HEXD: variants seen among roughly 807,000 people sequenced by gnomAD.
HEXD encodes the protein N-acetyl-beta-galactosaminidase.
Under a neutral mutation model 54.2 loss-of-function variants are expected in HEXD, and 47 were observed. The observed-to-expected ratio is 0.87, with a 90% CI of 0.69 to 1.11. The LOEUF is 1.11. Ranked by LOEUF, HEXD falls within the 50% of genes least tolerant of loss-of-function variation. The pLI is 0.00. For synonymous variants in HEXD, 293 were observed against 287.6 expected (o/e 1.02, Z -0.19); for missense variants, 576 against 649.2 (o/e 0.89, Z 1.23).
chr17:82,422,334 G>A (rs1399371663), intron 2 of HEXD, among the ~76,000 whole-genome samples: 2 of 151,560 alleles, frequency 1.3e-5, no homozygotes, highest in Non-Finnish European at 2.9e-5. Context: ...GCATAAATCA[G>A]AAATAGAAAA....
intron 4 of HEXD, among the ~76,000 whole-genome samples, chr17:82,429,116 C>T (rs1190505775): frequency 6.6e-6 from 1 of 151,952 alleles, no homozygotes; most frequent in Non-Finnish European, 1.5e-5. Context: ...AAAAATTAGC[C>T]AGGCATGGTG....
At chr17:82,419,322 G>C (rs1474912334) in intron 1 of HEXD, among the ~76,000 whole-genome samples, 2 of 152,102 alleles carry the variant, frequency 1.3e-5, no homozygotes, top group African/African-American at 4.8e-5. Context: ...CTGAGCTCTA[G>C]AAATACAAAT....
Position 82,437,435 on chromosome 17 carries a change from G to A in HEXD, c.899+72G>A, listed in dbSNP as rs112468984. The A allele has an allele frequency of 2.8e-3, 3,794 of 1,331,688 alleles. 84 individuals carry two copies. The African/African-American group carries it at 0.047, about 16-fold the overall frequency. 82.5% of individuals were successfully genotyped at this position (1,331,688 alleles called of 1,614,324 possible). On this transcript the variant is annotated intron_variant, in intron 8 of 12. Transcript: ENST00000327949. ...TGGCCACCACGTCGGCCTGTGCAGCGTCCGCCAAGGGCCTTCCCAGGTTGG... is the reference window on the plus strand; with the variant it reads ...TGGCCACCACGTCGGCCTGTGCAGCATCCGCCAAGGGCCTTCCCAGGTTGG...
At chr17:82,430,690 A>C (rs1000166782) in intron 4 of HEXD, among the ~76,000 whole-genome samples, 2 of 152,124 alleles carry the variant, frequency 1.3e-5, no homozygotes, top group Non-Finnish European at 2.9e-5. Flanking sequence ...TGCCCAGCCC[A>C]GTATACCCTC....
chr17:82,440,862 G>A lies in HEXD; in HGVS notation c.983-135G>A, dbSNP rs1416324878. 14 of 951,924 alleles carry A rather than the reference G, an allele frequency of 1.5e-5. No homozygotes were observed. In the South Asian group the frequency reaches 1.8e-4, roughly 12 times the overall value. The allele number at this position is 951,924 out of a possible 1,614,324, so 59.0% of individuals were successfully genotyped here. A position where few individuals can be genotyped will look rare whatever the true frequency, so the allele number is the denominator to read the frequency against. On this transcript the variant is annotated intron_variant, in intron 9 of 12. Transcript: ENST00000327949. ...CCAGGTCCCCTTGGGGCCGGCACAC[G>A]CGGGGCTGGGCCTGGCCAGTGGCTC... is the stretch of plus-strand genomic sequence containing the variant.
chr17:82,436,568 CTG>C, intron 6 of HEXD, 97 bp from the exon 7 acceptor site: 1 of 924,864 alleles, frequency 1.1e-6, no homozygotes, highest in South Asian at 1.6e-5. Flanking sequence ...AAAAAGGTAT[CTG>C]TGCTCACACT....
Position 82,437,150 on chromosome 17 carries a change from GT to G in HEXD, c.704-15del, listed in dbSNP as rs1172054518. ...CCGCCTCCCCTGGAGCCACTCACCTGTTTGCTTTCTCACCCAGTCCTCCTCA... is the reference window on the plus strand; with the variant it reads ...CCGCCTCCCCTGGAGCCACTCACCTGTTGCTTTCTCACCCAGTCCTCCTCA... On this transcript the variant is annotated splice_polypyrimidine_tract_variant and intron_variant, in intron 7 of 12. Transcript: ENST00000327949. 6.4e-7 allele frequency: 1 copy of G among 1,563,456 alleles called. No homozygotes were observed. Among genetic ancestry groups the G allele is most frequent in the African/African-American group, 1.3e-5 (1 of 74,128 alleles).
intron 11 of HEXD, 84 bp downstream of exon 11, chr17:82,441,350 G>A: frequency 7.1e-7 from 1 of 1,406,806 alleles, no homozygotes; most frequent in Non-Finnish European, 9.5e-7. Flanking sequence ...GTGGGTGGGA[G>A]GCAGGTGCGG....
At chr17:82,440,503 C>A in intron 9 of HEXD, 1 of 367,590 alleles carries the variant, frequency 2.7e-6, no homozygotes, top group Non-Finnish European at 4.8e-6. Flanking sequence ...ATCCGCCACC[C>A]GTGACTGGGG....
intron 9 of HEXD, chr17:82,440,163 G>A (rs1052240439): frequency 2.3e-6 from 3 of 1,291,388 alleles, no homozygotes; most frequent in African/African-American, 3.0e-5. Context: ...CAGGCACCGG[G>A]GAACCCCTTG....
intron 4 of HEXD, among the ~76,000 whole-genome samples, chr17:82,429,069 G>A (rs2053502678): frequency 6.6e-6 from 1 of 152,094 alleles, no homozygotes; most frequent in Admixed American, 6.6e-5. Context: ...AGACCAGCCT[G>A]ACCAACATGG....
rs118147434 is a variant in HEXD, at chr17:82,424,150, G to A, written c.85-244G>A. Among the ~76,000 whole-genome samples, 681 of 152,286 alleles carry A rather than the reference G, an allele frequency of 4.5e-3. 4 individuals carry two copies. Among genetic ancestry groups the A allele is most frequent in the Non-Finnish European group, 7.6e-3 (515 of 68,030 alleles). On this transcript the variant is annotated intron_variant, in intron 2 of 12. Coordinates refer to ENST00000327949, the MANE Select transcript of HEXD (RefSeq NM_001330542.2). ...GTCCCTCCCAAGCTGAGCCACCAGC[G>A]CGTTGAGTAGCAGCCCTGTTTCATA...
intron 1 of HEXD, among the ~76,000 whole-genome samples, chr17:82,419,521 T>C (rs1294628510): frequency 1.3e-5 from 2 of 152,224 alleles, no homozygotes; most frequent in Non-Finnish European, 2.9e-5. Flanking sequence ...AACCATCTTA[T>C]AAACAAACTA....
intron 1 of HEXD, among the ~76,000 whole-genome samples, chr17:82,419,231 T>A (rs931795386): frequency 1.3e-5 from 2 of 152,238 alleles, no homozygotes; most frequent in African/African-American, 4.8e-5. Flanking sequence ...TTCAAAATTA[T>A]CAGCTTACCT....
At chr17:82,440,052 G>A (rs963807203) in intron 9 of HEXD, 8 of 1,311,014 alleles carry the variant, frequency 6.1e-6, no homozygotes, top group African/African-American at 6.0e-5. Flanking sequence ...GGCCGAGCAG[G>A]TGTGGGGCTC....
chr17:82,428,529 C>A, intron 3 of HEXD, 29 bp from the exon 4 acceptor site: 1 of 1,595,558 alleles, frequency 6.3e-7, no homozygotes, highest in Non-Finnish European at 8.6e-7. Flanking sequence ...GCTCACATGA[C>A]CCTCTCTCTA....
At position 82,435,839 on chromosome 17, in the gene HEXD, A is replaced by G. The variant is rs879387338; in HGVS notation, c.598A>G (p.Met200Val). The part of the protein sequence containing the change: ...PSVTPLVWDD[M>V]LRDLPEDQLA... ...CGTGACACCCCTGGTGTGGGACGAC[A>G]TGCTCCGAGACCTGCCTGAGGACCA... Residue 200 changes from methionine to valine, a missense_variant, in exon 6 of 13, where the codon ATG becomes GTG. Physicochemically the swap from Met to Val is conservative, Grantham distance 21. Coordinates refer to ENST00000327949, the MANE Select transcript of HEXD (RefSeq NM_001330542.2). 5 of 1,611,066 alleles carry G rather than the reference A, an allele frequency of 3.1e-6. No individual in the cohort carries two copies. The highest frequency in any genetic ancestry group is 2.2e-5 in the South Asian group (2 of 91,022).
chr17:82,439,084 C>T (rs1238750144), intron 8 of HEXD, among the ~76,000 whole-genome samples: 2 of 152,262 alleles, frequency 1.3e-5, no homozygotes, highest in Non-Finnish European at 2.9e-5. Flanking sequence ...AAGCCCAGGC[C>T]AGGCCAAGGC....
chr17:82,441,229 C>G lies in HEXD; in HGVS notation c.1126C>G (p.Leu376Val), dbSNP rs371894305. The change falls in exon 11 of 13, where the codon CTG becomes GTG. Residue 376 changes from leucine (L) to valine (V), a missense_variant. Leu to Val is a conservative substitution (Grantham distance 32). Transcript: ENST00000327949. The part of the protein sequence containing the change: ...LALVTQVSLH[L>V]RSSVDALLEG... ...CCTTGTCACACAAGTCAGCCTCCAT[C>G]TGCGCAGCTCTGTGGATGCGCTGCT... 3 of 1,612,756 alleles carry G rather than the reference C, an allele frequency of 1.9e-6. No homozygotes were observed. The highest frequency in any genetic ancestry group is 1.3e-5 in the African/African-American group (1 of 74,864).
Sources: allele counts gnomAD v4.1 joint callset (sites outside exome capture counted in the v4.1 genomes callset), GRCh38; gene constraint gnomAD v4.1.1; transcripts MANE v1.5; gene names NCBI Gene and HGNC (gene_info 2026-07-23, HGNC 2026-07-21).